The following CELSR3 variants were observed in gnomAD, a reference collection of about 807,000 sequenced individuals.
CELSR3 encodes EGF-like protein 1.
In CELSR3, 73 loss-of-function variants were observed where a neutral mutation model predicts 270.0. The ratio of observed to expected loss-of-function variants is 0.27; its 90% CI spans 0.22 to 0.33. The LOEUF (loss-of-function observed/expected upper bound fraction) is 0.33. CELSR3 is among the 10% of genes least tolerant of loss of function. The probability of loss-of-function intolerance (pLI) is 1.00; values close to 1 mark genes in which losing one functional copy is unlikely to be tolerated. For synonymous variants in CELSR3, 1,780 were observed against 1,905.4 expected (o/e 0.93, Z 1.71); for missense variants, 3,614 against 4,533.8 (o/e 0.80, Z 5.83).
intron 27 of CELSR3, 186 bp from the exon 28 acceptor site, chr3:48,643,863 G>C: frequency 1.5e-6 from 1 of 672,586 alleles, no homozygotes; most frequent in Non-Finnish European, 2.5e-6. Flanking sequence ...CAGGAGAGCA[G>C]TCAAAGAGCC....
rs537294060 is a variant in CELSR3, at chr3:48,654,995, T to A, written c.4988+49A>T. The A allele has an allele frequency of 8.3e-6, 13 of 1,567,008 alleles. No homozygotes were observed. In the East Asian group the frequency reaches 2.9e-4, roughly 35 times the overall value. ...AGGAATGGGATGTGAAGGGTTGGAGTGGGCTTTGGTAGGCAGGGGACAAGG... is the reference window on the plus strand; with the variant it reads ...AGGAATGGGATGTGAAGGGTTGGAGAGGGCTTTGGTAGGCAGGGGACAAGG... On this transcript the variant is annotated intron_variant, in intron 6 of 34. Transcript: ENST00000164024. The surrounding 1 kb of genome is among the most constrained non-coding windows in gnomAD (Gnocchi z 5.4).
At chr3:48,648,022 C>G (rs780131402) in intron 19 of CELSR3, 26 bp from the exon 20 acceptor site, 55 of 1,609,580 alleles carry the variant, frequency 3.4e-5, no homozygotes, top group Non-Finnish European at 4.7e-5. Context: ...AAAGGGGAGG[C>G]CCATCATGGA....
At position 48,639,758 on chromosome 3, in the gene CELSR3, G is replaced by T. The variant is rs61729242; in HGVS notation, c.9827C>A (p.Pro3276His). The change falls in exon 34 of 35, where the codon CCT (proline) becomes CAT (histidine). Residue 3276 changes from proline (P) to histidine (H), a missense_variant. Coordinates refer to ENST00000164024, the MANE Select transcript of CELSR3 (RefSeq NM_001407.3). The surrounding 1 kb of genome is among the most constrained non-coding windows in gnomAD (Gnocchi z 4.1). Reference sequence around the variant, plus strand: ...CCCAAGCACAGAGGCTGTGGCAGAAGGTGTGGCAGTGGTGTGAGGGCCCAA... The same window carrying T: ...CCCAAGCACAGAGGCTGTGGCAGAATGTGTGGCAGTGGTGTGAGGGCCCAA... ...TPLGPHTTAT[P>H]SATASVLGPS... The T allele has an allele frequency of 4.3e-6, 7 of 1,613,788 alleles. No homozygotes were observed. The highest frequency in any genetic ancestry group is 5.9e-6 in the Non-Finnish European group (7 of 1,179,988).
At chr3:48,649,355 G>T (rs2047116438) in intron 16 of CELSR3, 140 bp from the exon 17 acceptor site, 2 of 726,778 alleles carry the variant, frequency 2.8e-6, no homozygotes, top group Admixed American at 2.6e-5. Flanking sequence ...ACCCCTGGAG[G>T]TAGCGGCCCA....
chr3:48,639,928 T>G lies in CELSR3; in HGVS notation c.9657A>C (p.Pro3219=). Residue 3219 remains proline (P), a synonymous_variant, in exon 34 of 35, where the codon CCA becomes CCC. Transcript: ENST00000164024. The surrounding 1 kb of genome is among the most constrained non-coding windows in gnomAD (Gnocchi z 4.1). The part of the protein sequence containing the change: ...SRHPSREALG[P]LPQLLRARED... Reference sequence around the variant, plus strand: ...CCCTAGCTCTGAGCAGCTGCGGGAGTGGCCCAAGGGCTTCTCGTGAGGGGT... The same window carrying G: ...CCCTAGCTCTGAGCAGCTGCGGGAGGGGCCCAAGGGCTTCTCGTGAGGGGT... The G allele has an allele frequency of 6.2e-7, 1 of 1,612,482 alleles. No homozygotes were observed. Among genetic ancestry groups the G allele is most frequent in the Non-Finnish European group, 8.5e-7 (1 of 1,179,900 alleles).
intron 19 of CELSR3, 28 bp downstream of exon 19, chr3:48,648,238 G>GGGC: frequency 9.7e-6 from 13 of 1,342,596 alleles, no homozygotes; most frequent in African/African-American, 1.4e-5. Context: ...CCCCTGCTGT[G>GGGC]CCCCGCCCTA....
chr3:48,641,829 G>T lies in CELSR3; in HGVS notation c.8824+22C>A, dbSNP rs746225137. Reference sequence around the variant, plus strand: ...AATGGGGCATCCCTTGGTCACCCAAGGGGTCAGAGGGCGCCTGGCACCTTT... The same window carrying T: ...AATGGGGCATCCCTTGGTCACCCAATGGGTCAGAGGGCGCCTGGCACCTTT... On this transcript the variant is annotated intron_variant, in intron 32 of 34. Coordinates refer to ENST00000164024, the MANE Select transcript of CELSR3 (RefSeq NM_001407.3). The surrounding 1 kb of genome is among the most constrained non-coding windows in gnomAD (Gnocchi z 4.8). 8 of 1,443,362 alleles carry T rather than the reference G, an allele frequency of 5.5e-6. No homozygotes were observed. The highest frequency in any genetic ancestry group is 7.3e-6 in the Non-Finnish European group (8 of 1,095,764). 89.4% of individuals were successfully genotyped at this position (1,443,362 alleles called of 1,614,324 possible). A position where few individuals can be genotyped will look rare whatever the true frequency, so the allele number is the denominator to read the frequency against.
At position 48,650,896 on chromosome 3, in the gene CELSR3, G is replaced by A; in HGVS notation, c.6366C>T (p.Cys2122=). The A allele has an allele frequency of 6.2e-7, 1 of 1,609,990 alleles. No homozygotes were observed. Among genetic ancestry groups the A allele is most frequent in the Non-Finnish European group, 8.5e-7 (1 of 1,179,492 alleles). ...SPFAEVTASG[C]RVLYDACPKS... ...AGCTGGGTGGAGCCTGCTCACCCCG[G>A]CAGCCGCTGGCTGTCACCTCTGCGA... Residue 2122 remains cysteine (C), a synonymous_variant, in exon 15 of 35, where the codon TGC becomes TGT. Coordinates refer to ENST00000164024, the MANE Select transcript of CELSR3 (RefSeq NM_001407.3). This position sits in a 1 kb window ranked among gnomAD's most constrained non-coding sequence, Gnocchi z 5.1.
rs61729239 is a variant in CELSR3, at chr3:48,639,685, C to T, written c.9900G>A (p.Ser3300=). 4,834 of 1,613,222 alleles carry T rather than the reference C, an allele frequency of 3.0e-3. 55 individuals carry two copies. The highest frequency in any genetic ancestry group is 0.022 in the South Asian group (2,042 of 91,052). The change falls in exon 34 of 35, where the codon TCG becomes TCA. Residue 3300 remains serine, a synonymous_variant. Coordinates refer to ENST00000164024, the MANE Select transcript of CELSR3 (RefSeq NM_001407.3). The surrounding 1 kb of genome is among the most constrained non-coding windows in gnomAD (Gnocchi z 4.1). ...SATSHSISEL[S]PDSEVPRSEG... ...TGGACCATACTTACTCTGAGTCTGG[C>T]GACAGCTCCGAGATGCTGTGAGACG... is the stretch of plus-strand genomic sequence containing the variant.
chr3:48,657,647 G>A lies in CELSR3; in HGVS notation c.3749-299C>T, dbSNP rs2077033951. 3.3e-5 allele frequency among the ~76,000 whole-genome samples: 5 copies of A among 152,100 alleles called. No homozygotes were observed. The highest frequency in any genetic ancestry group is 2.6e-4 in the Admixed American group (4 of 15,268). On this transcript the variant is annotated intron_variant, in intron 1 of 34. Coordinates refer to ENST00000164024, the MANE Select transcript of CELSR3 (RefSeq NM_001407.3). This position sits in a 1 kb window ranked among gnomAD's most constrained non-coding sequence, Gnocchi z 5.4. ...AAGTCACTCCCGCAACAGCACTCAA[G>A]TACCCTAAGTACTCAGTAACCCACA...
rs369132778 is a variant in CELSR3 at position 48,641,474 on chromosome 3, C to T, written c.8875G>A (p.Glu2959Lys). 2.0e-5 allele frequency: 32 copies of T among 1,612,078 alleles called. No individual in the cohort carries two copies. The highest frequency in any genetic ancestry group is 1.9e-5 in the Non-Finnish European group (23 of 1,179,648). The change falls in exon 33 of 35, where the codon GAG (glutamate) becomes AAG (lysine). Residue 2959 changes from glutamate to lysine, a missense_variant. By Grantham distance (56) the Glu-to-Lys change is moderately conservative (BLOSUM62 1). This residue lies in a region of CELSR3 where 1,240 missense variants were observed against 1,351.7 expected (regional missense o/e 0.92). Coordinates refer to ENST00000164024, the MANE Select transcript of CELSR3 (RefSeq NM_001407.3). This position sits in a 1 kb window ranked among gnomAD's most constrained non-coding sequence, Gnocchi z 4.8. ...LSYWPALGEC[E>K]AAPCALQTWG... The stretch of plus-strand genomic sequence containing the variant: ...GTCTGCAGAGCACAGGGGGCTGCCT[C>T]GCACTCCCCCAGGGCTGGCCAGTAG...
In CELSR3 at chr3:48,648,236, G is replaced by A. The variant is rs767302690; in HGVS notation, c.6973+30C>T. On this transcript the variant is annotated intron_variant, in intron 19 of 34. Coordinates refer to ENST00000164024, the MANE Select transcript of CELSR3 (RefSeq NM_001407.3). ...CCTGCCCTTTCATGGCCCCCCTGCT[G>A]TGCCCCGCCCTACCCCACCCACAAC... 4 of 1,546,288 alleles carry A rather than the reference G, an allele frequency of 2.6e-6. No individual in the cohort carries two copies. The Admixed American group carries it at 6.8e-5, about 26-fold the overall frequency.
In CELSR3 at chr3:48,651,653, G is replaced by A. The variant is rs749972420; in HGVS notation, c.5989C>T (p.Arg1997Trp). The A allele has an allele frequency of 1.7e-5, 27 of 1,589,162 alleles. No homozygotes were observed. Among genetic ancestry groups the A allele is most frequent in the Non-Finnish European group, 2.2e-5 (26 of 1,168,322 alleles). Residue 1997 changes from arginine (R) to tryptophan (W), a missense_variant, in exon 13 of 35, where the codon CGG becomes TGG. Physicochemically the swap from Arg to Trp is moderately radical, Grantham distance 101. This residue lies in a region of CELSR3 where 1,331 missense variants were observed against 1,933.7 expected (regional missense o/e 0.69). Coordinates refer to ENST00000164024, the MANE Select transcript of CELSR3 (RefSeq NM_001407.3). The surrounding 1 kb of genome is among the most constrained non-coding windows in gnomAD (Gnocchi z 7.4). Reference sequence around the variant, plus strand: ...CCATGGGGGGCTCCTGGCAGGTGCCGGCATGATCCCTGGTTCTGACAGGGG... The same window carrying A: ...CCATGGGGGGCTCCTGGCAGGTGCCAGCATGATCCCTGGTTCTGACAGGGG... ...LNPCQNQGSC[R>W]HLPGAPHGYT...
chr3:48,646,841 G>A lies in CELSR3; in HGVS notation c.7217C>T (p.Ser2406Phe), dbSNP rs1394275445. The change falls in exon 21 of 35, where the codon TCC becomes TTC. Residue 2406 changes from serine to phenylalanine, a missense_variant. Coordinates refer to ENST00000164024, the MANE Select transcript of CELSR3 (RefSeq NM_001407.3). This position sits in a 1 kb window ranked among gnomAD's most constrained non-coding sequence, Gnocchi z 4.8. Reference protein sequence around the residue: ...PAPPEPEPGISIIILLVYRTL... With the variant: ...PAPPEPEPGIFIIILLVYRTL... ...GCGGTAAACGAGGAGAATGATAATG[G>A]AGATCCCAGGCTCTGGCTCTGGCGG... The A allele has an allele frequency of 6.2e-7, 1 of 1,602,444 alleles. No homozygotes were observed.
chr3:48,654,590 A>T lies in CELSR3; in HGVS notation c.4989-138T>A, dbSNP rs574150037. The T allele has an allele frequency of 4.3e-5, 32 of 741,306 alleles. No homozygotes were observed. The East Asian group carries it at 7.7e-4, about 18-fold the overall frequency. 45.9% of individuals were successfully genotyped at this position (741,306 alleles called of 1,614,324 possible). On this transcript the variant is annotated intron_variant, in intron 6 of 34. Coordinates refer to ENST00000164024, the MANE Select transcript of CELSR3 (RefSeq NM_001407.3). The surrounding 1 kb of genome is among the most constrained non-coding windows in gnomAD (Gnocchi z 5.4). ...GAAAATAAGGCCGAGCTGTGGAAGG[A>T]GTTAGGATCTTACTTCAGTTGGGGT...
chr3:48,656,064 G>A, intron 3 of CELSR3, 76 bp downstream of exon 3: 2 of 1,424,578 alleles, frequency 1.4e-6, no homozygotes, highest in Admixed American at 2.0e-5. Context: ...TGCCAGGACG[G>A]GGCAGTCAGG....
chr3:48,653,017 G>A lies in CELSR3; in HGVS notation c.5619C>T (p.Asp1873=), dbSNP rs1386225205. The A allele has an allele frequency of 6.2e-7, 1 of 1,613,060 alleles. No individual in the cohort carries two copies. Among genetic ancestry groups the A allele is most frequent in the Non-Finnish European group, 8.5e-7 (1 of 1,179,954 alleles). ...RGHHVLMVSL[D]FSLFQDTMAV... Reference sequence around the variant, plus strand: ...GAGGCCAGACCTGGAAGAGGCTAAAGTCCAGTGAGACCATAAGGACATGGT... The same window carrying A: ...GAGGCCAGACCTGGAAGAGGCTAAAATCCAGTGAGACCATAAGGACATGGT... Residue 1873 remains aspartate, a synonymous_variant, in exon 10 of 35, where the codon GAC becomes GAT. Coordinates refer to ENST00000164024, the MANE Select transcript of CELSR3 (RefSeq NM_001407.3). This position sits in a 1 kb window ranked among gnomAD's most constrained non-coding sequence, Gnocchi z 6.5.
At chr3:48,656,406 C>G in intron 2 of CELSR3, 41 bp from the exon 3 acceptor site, 1 of 1,386,238 alleles carries the variant, frequency 7.2e-7, no homozygotes, top group Non-Finnish European at 9.3e-7. Context: ...ACGCCCACGC[C>G]CGCCCCTGCT....
intron 27 of CELSR3, 124 bp from the exon 28 acceptor site, chr3:48,643,801 A>G (rs2047052348): frequency 2.6e-6 from 3 of 1,167,744 alleles, no homozygotes; most frequent in Admixed American, 2.6e-5. Context: ...TCACACGGGA[A>G]CATGGAGGTC....
Sources: allele counts gnomAD v4.1 joint callset (sites outside exome capture counted in the v4.1 genomes callset), GRCh38; gene constraint gnomAD v4.1.1; regional missense constraint gnomAD v4.1.1; non-coding constraint Gnocchi (gnomAD v3.1); transcripts MANE v1.5; gene names NCBI Gene and HGNC (gene_info 2026-07-23, HGNC 2026-07-21).